PDZD8: variants seen among roughly 807,000 people sequenced by gnomAD.
The protein encoded by PDZD8 is PDZ domain containing 8.
A neutral mutation model predicts 85.8 loss-of-function variants in PDZD8; 14 were observed. That is an observed-to-expected ratio of 0.16 (90% confidence interval 0.11 to 0.26). PDZD8 has a LOEUF of 0.26. Among genes scored for constraint, PDZD8 ranks in the 10% least tolerant of loss-of-function variants. The pLI is 1.00. For missense variants in PDZD8, 1,197 were observed against 1,424.3 expected (o/e 0.84, Z 2.57); for synonymous variants, 592 against 568.6 (o/e 1.04, Z -0.59).
chr10:117,289,337 G>A (rs1255865313), intron 4 of PDZD8, among the ~76,000 whole-genome samples: 1 of 152,206 alleles, frequency 6.6e-6, no homozygotes. Flanking sequence ...AAGGACAACT[G>A]CACCTTGATT....
chr10:117,320,738 G>A (rs1248215248), intron 2 of PDZD8, among the ~76,000 whole-genome samples: 1 of 152,102 alleles, frequency 6.6e-6, no homozygotes, highest in Non-Finnish European at 1.5e-5. Flanking sequence ...CCCAGAGAAT[G>A]GGAGAAAATG....
intron 3 of PDZD8, 116 bp downstream of exon 3, chr10:117,318,756 G>GC (rs1844173581): frequency 3.0e-6 from 2 of 674,206 alleles, no homozygotes; most frequent in Non-Finnish European, 5.0e-6. Context: ...AATAAGAACT[G>GC]TTCATAGCTA....
intron 2 of PDZD8, among the ~76,000 whole-genome samples, chr10:117,323,967 C>CT (rs771289510): frequency 2.0e-4 from 30 of 152,136 alleles, no homozygotes; most frequent in Non-Finnish European, 3.5e-4. Context: ...GTAGCTCTCG[C>CT]CCGTAATCCC....
chr10:117,337,088 CA>C (rs879870820), intron 2 of PDZD8, among the ~76,000 whole-genome samples: 213 of 132,522 alleles, frequency 1.6e-3, no homozygotes, highest in Admixed American at 1.8e-3. Context: ...GACTCCATCT[CA>C]AAAAAAAAAA....
chr10:117,334,775 TAGG>T (rs914784704), intron 2 of PDZD8, among the ~76,000 whole-genome samples: 4 of 151,986 alleles, frequency 2.6e-5, no homozygotes, highest in Non-Finnish European at 5.9e-5. Context: ...AAACTGGAGA[TAGG>T]AGAAGACTCA....
intron 1 of PDZD8, among the ~76,000 whole-genome samples, chr10:117,352,819 A>C (rs1169938363): frequency 1.3e-5 from 2 of 152,136 alleles, no homozygotes; most frequent in African/African-American, 2.4e-5. Flanking sequence ...GGGGAGATAA[A>C]ATTTGTACTC....
Position 117,277,392 on chromosome 10 carries a change from T to C in PDZD8, c.*5876A>G, listed in dbSNP as rs1329689783. On this transcript the variant is annotated 3_prime_UTR_variant, in exon 5 of 5. Transcript: ENST00000334464. ...GGTGAAAGAGTAAAACCAAAGGTTA[T>C]TATTTCCTTTCCATGGTTATGGTCG... 2 of 532,020 alleles carry C rather than the reference T, an allele frequency of 3.8e-6. No individual in the cohort carries two copies. Among genetic ancestry groups the C allele is most frequent in the African/African-American group, 3.9e-5 (2 of 51,048 alleles). The allele number at this position is 532,020 out of a possible 1,614,324, so 33.0% of individuals were successfully genotyped here.
At chr10:117,317,758 T>C (rs550933120) in intron 3 of PDZD8, among the ~76,000 whole-genome samples, 31 of 152,248 alleles carry the variant, frequency 2.0e-4, no homozygotes, top group African/African-American at 7.2e-4. Flanking sequence ...GTTTGAGATA[T>C]AACATAAAGA....
At chr10:117,352,497 A>C (rs775856715) in intron 1 of PDZD8, among the ~76,000 whole-genome samples, 2 of 152,236 alleles carry the variant, frequency 1.3e-5, no homozygotes, top group African/African-American at 2.4e-5. Flanking sequence ...AGACAAAGGA[A>C]CACAAAACTT....
At chr10:117,350,716 A>T (rs1369563689) in intron 1 of PDZD8, among the ~76,000 whole-genome samples, 1 of 151,598 alleles carries the variant, frequency 6.6e-6, no homozygotes, top group African/African-American at 2.4e-5. Context: ...ATCCTGGCTA[A>T]CATGGTGAAA....
At chr10:117,366,262 T>C (rs1845088026) in intron 1 of PDZD8, among the ~76,000 whole-genome samples, 1 of 152,134 alleles carries the variant, frequency 6.6e-6, no homozygotes, top group Non-Finnish European at 1.5e-5. Flanking sequence ...TTTTTCAACC[T>C]AAAGTCTAAG....
In PDZD8 at chr10:117,302,306, T is replaced by C. The variant is rs148130859; in HGVS notation, c.1099-11958A>G. Among the ~76,000 whole-genome samples the C allele has an allele frequency of 6.2e-3, 940 of 152,328 alleles. 12 individuals carry two copies. Among genetic ancestry groups the C allele is most frequent in the African/African-American group, 0.022 (908 of 41,566 alleles). ...AAAACAAAGGAGATACCACATTTAC[T>C]AGGTGTCATCTTTGAAACTGTCTTA... On this transcript the variant is annotated intron_variant, in intron 3 of 4. Coordinates refer to ENST00000334464, the MANE Select transcript of PDZD8 (RefSeq NM_173791.5).
chr10:117,293,327 T>C (rs1425646529), intron 3 of PDZD8, among the ~76,000 whole-genome samples: 1 of 152,048 alleles, frequency 6.6e-6, no homozygotes, highest in Admixed American at 6.5e-5. Flanking sequence ...CTATAAAACA[T>C]ATGCCAAAAT....
At chr10:117,357,579 A>G (rs1018919494) in intron 1 of PDZD8, among the ~76,000 whole-genome samples, 1 of 151,772 alleles carries the variant, frequency 6.6e-6, no homozygotes, top group Non-Finnish European at 1.5e-5. Flanking sequence ...CAGCCTGGCC[A>G]ACATGGTGAA....
intron 2 of PDZD8, among the ~76,000 whole-genome samples, chr10:117,340,405 C>T (rs894483363): frequency 1.3e-5 from 2 of 152,196 alleles, no homozygotes; most frequent in Non-Finnish European, 2.9e-5. Context: ...TGTCTGATCA[C>T]CCTGGACTGT....
In PDZD8 at chr10:117,346,806, G is replaced by A. The variant is rs549115506; in HGVS notation, c.873-5704C>T. Among the ~76,000 whole-genome samples, 8 of 151,960 alleles carry A rather than the reference G, an allele frequency of 5.3e-5. 1 individual carries two copies. The South Asian group carries it at 6.2e-4, about 12-fold the overall frequency. On this transcript the variant is annotated intron_variant, in intron 1 of 4. Coordinates refer to ENST00000334464, the MANE Select transcript of PDZD8 (RefSeq NM_173791.5). ...ACCACGTACAGGCATCATGGCCGCCGCCAGGTGGAGGCCTCATTTGTATAA... is the reference window on the plus strand; with the variant it reads ...ACCACGTACAGGCATCATGGCCGCCACCAGGTGGAGGCCTCATTTGTATAA...
At chr10:117,313,045 T>G (rs1362570773) in intron 3 of PDZD8, among the ~76,000 whole-genome samples, 1 of 152,192 alleles carries the variant, frequency 6.6e-6, no homozygotes, top group Admixed American at 6.5e-5. Context: ...AAAGTGTAGT[T>G]TGGATTTATT....
rs1191888899 is a variant in PDZD8 at position 117,285,257 on chromosome 10, T to C, written c.1476A>G (p.Arg492=). 1.2e-6 allele frequency: 2 copies of C among 1,614,224 alleles called. No individual in the cohort carries two copies. Among genetic ancestry groups the C allele is most frequent in the Admixed American group, 3.3e-5 (2 of 60,024 alleles). ...AGTCTTCAAATTCAGAATCCAGCTCTCTACTTTCAGTATCTACTGTCAACC... is the reference window on the plus strand; with the variant it reads ...AGTCTTCAAATTCAGAATCCAGCTCCCTACTTTCAGTATCTACTGTCAACC... ...AAGLTVDTES[R]ELDSEFEDLA... Residue 492 remains arginine (R), a synonymous_variant, in exon 5 of 5, where the codon AGA becomes AGG. Coordinates refer to ENST00000334464, the MANE Select transcript of PDZD8 (RefSeq NM_173791.5).
In PDZD8 at chr10:117,341,370, C is replaced by T. The variant is rs141414320; in HGVS notation, c.873-268G>A. ...GAAAAGCCTAGAGGCAGCAAGTAGG[C>T]CATGAAGTTTAGGTGGGGCAGGAGA... On this transcript the variant is annotated intron_variant, in intron 1 of 4. Coordinates refer to ENST00000334464, the MANE Select transcript of PDZD8 (RefSeq NM_173791.5). 2.0e-3 allele frequency among the ~76,000 whole-genome samples: 310 copies of T among 152,184 alleles called. 1 individual carries two copies. The highest frequency in any genetic ancestry group is 3.5e-3 in the Non-Finnish European group (241 of 68,012).
Sources: gnomAD v4.1 joint callset for allele counts (sites outside exome capture counted in the v4.1 genomes callset) on GRCh38, gnomAD v4.1.1 for gene constraint, MANE v1.5 for transcripts, NCBI Gene and HGNC (gene_info 2026-07-23, HGNC 2026-07-21) for gene names.